RPTOR: variants seen among roughly 807,000 people sequenced by gnomAD.
RPTOR encodes the protein regulatory-associated protein of mTOR.
In RPTOR, 21 loss-of-function variants were observed where a neutral mutation model predicts 169.9. That is an observed-to-expected ratio of 0.12 (90% confidence interval 0.09 to 0.18). The LOEUF (loss-of-function observed/expected upper bound fraction) is 0.18. Among genes scored for constraint, RPTOR ranks in the 10% least tolerant of loss-of-function variants. The probability of loss-of-function intolerance (pLI) is 1.00; values close to 1 mark genes in which losing one functional copy is unlikely to be tolerated. For synonymous variants in RPTOR, 732 were observed against 753.2 expected, an observed-to-expected ratio of 0.97 and a Z score of 0.46; for missense variants, 1,133 against 1,855.9, an observed-to-expected ratio of 0.61 and a Z score of 7.16.
At chr17:80,784,061 T>G (rs1259393715) in intron 6 of RPTOR, among the ~76,000 whole-genome samples, 1 of 151,620 alleles carries the variant, frequency 6.6e-6, no homozygotes, top group African/African-American at 2.4e-5. Flanking sequence ...ACTGCAGCCT[T>G]AACCTCCTGA....
chr17:80,908,145 G>A (rs1471984927), intron 20 of RPTOR, among the ~76,000 whole-genome samples: 3 of 152,186 alleles, frequency 2.0e-5, no homozygotes, highest in Non-Finnish European at 4.4e-5. Flanking sequence ...CCATGCCCAC[G>A]ACTCACCAGT....
In RPTOR at chr17:80,562,291, T is replaced by C. The variant is rs1177967086; in HGVS notation, c.162+16500T>C. Among the ~76,000 whole-genome samples the C allele has an allele frequency of 6.6e-6, 1 of 152,212 alleles. No homozygotes were observed. Among genetic ancestry groups the C allele is most frequent in the East Asian group, 1.9e-4 (1 of 5,200 alleles). ...TGTTTGCTTGTGAAAACTTAAGGAATGTTTTGGTGGGATATGTTGAAATTG... is the reference window on the plus strand; with the variant it reads ...TGTTTGCTTGTGAAAACTTAAGGAACGTTTTGGTGGGATATGTTGAAATTG... On this transcript the variant is annotated intron_variant, in intron 1 of 33. Transcript: ENST00000306801. This position sits in a 1 kb window ranked among gnomAD's most constrained non-coding sequence, Gnocchi z 4.4.
chr17:80,822,313 G>T lies in RPTOR; in HGVS notation c.991+12G>T. 1 of 1,613,198 alleles carries T rather than the reference G, an allele frequency of 6.2e-7. No homozygotes were observed. Among genetic ancestry groups the T allele is most frequent in the Non-Finnish European group, 8.5e-7 (1 of 1,179,276 alleles). On this transcript the variant is annotated intron_variant, in intron 8 of 33. Coordinates refer to ENST00000306801, the MANE Select transcript of RPTOR (RefSeq NM_020761.3). ...CGTGCTCCCCCGGGGTGAGGCGCGG[G>T]CCGGGCCTTGGGGAGGGAGGCTATG...
At chr17:80,614,189 C>T (rs1199753216) in intron 1 of RPTOR, among the ~76,000 whole-genome samples, 2 of 152,190 alleles carry the variant, frequency 1.3e-5, no homozygotes, top group Non-Finnish European at 2.9e-5. Flanking sequence ...ACTCACCAAG[C>T]CACATGCTGC....
intron 13 of RPTOR, among the ~76,000 whole-genome samples, chr17:80,858,844 G>A (rs1007137758): frequency 4.6e-5 from 7 of 152,212 alleles, no homozygotes; most frequent in African/African-American, 1.7e-4. Context: ...GACGGTGCAC[G>A]GTTCCCGGTA....
chr17:80,656,898 G>C (rs1460274041), intron 3 of RPTOR, among the ~76,000 whole-genome samples: 1 of 152,198 alleles, frequency 6.6e-6, no homozygotes, highest in Non-Finnish European at 1.5e-5. Flanking sequence ...GGAGCCGCGG[G>C]GACACTGCCC....
intron 8 of RPTOR, 21 bp downstream of exon 8, chr17:80,822,322 TG>T (rs773794821): frequency 8.7e-6 from 14 of 1,610,328 alleles, no homozygotes; most frequent in East Asian, 4.5e-5. Flanking sequence ...GGCCGGGCCT[TG>T]GGGAGGGAGG....
At position 80,651,555 on chromosome 17, in the gene RPTOR, C is replaced by T. The variant is rs746397897; in HGVS notation, c.348+7745C>T. Among the ~76,000 whole-genome samples the T allele has an allele frequency of 3.3e-5, 5 of 152,218 alleles. No individual in the cohort carries two copies. Among genetic ancestry groups the T allele is most frequent in the African/African-American group, 9.6e-5 (4 of 41,516 alleles). On this transcript the variant is annotated intron_variant, in intron 3 of 33. Coordinates refer to ENST00000306801, the MANE Select transcript of RPTOR (RefSeq NM_020761.3). This position sits in a 1 kb window ranked among gnomAD's most constrained non-coding sequence, Gnocchi z 4.1. ...TGGAGATTTTTTTAAAATGGACATA[C>T]GAAGCACATAACGTCAAGTTCACCA... is the stretch of plus-strand genomic sequence containing the variant.
intron 1 of RPTOR, among the ~76,000 whole-genome samples, chr17:80,567,162 G>C (rs564379325): frequency 2.6e-5 from 4 of 151,866 alleles, no homozygotes; most frequent in African/African-American, 9.7e-5. Context: ...GTACAGACAG[G>C]GTTTCATCAC....
chr17:80,886,813 A>AG (rs1454380786), intron 17 of RPTOR, among the ~76,000 whole-genome samples: 29 of 152,120 alleles, frequency 1.9e-4, no homozygotes, highest in African/African-American at 7.0e-4. Flanking sequence ...ACCGGGACGC[A>AG]GCTGTCTCGG....
chr17:80,688,980 C>T (rs1438868035), intron 3 of RPTOR, among the ~76,000 whole-genome samples: 1 of 152,200 alleles, frequency 6.6e-6, no homozygotes, highest in Non-Finnish European at 1.5e-5. Context: ...TCCTGCAGAA[C>T]GGCAGCTGCC....
chr17:80,752,072 T>A (rs913684659), intron 5 of RPTOR, among the ~76,000 whole-genome samples: 1 of 152,244 alleles, frequency 6.6e-6, no homozygotes, highest in African/African-American at 2.4e-5. Context: ...TTCATTCCTT[T>A]AGCTATCTAC....
intron 2 of RPTOR, 71 bp from the exon 3 acceptor site, chr17:80,643,657 T>A: frequency 1.8e-6 from 2 of 1,136,730 alleles, no homozygotes; most frequent in East Asian, 2.4e-5. Flanking sequence ...AAGGAGAAAC[T>A]GTGGAAGAGA....
In RPTOR at chr17:80,665,357, C is replaced by T. The variant is rs1293097415; in HGVS notation, c.348+21547C>T. Among the ~76,000 whole-genome samples the T allele has an allele frequency of 4.2e-3, 22 of 5,296 alleles. No individual in the cohort carries two copies. In the African/African-American group the frequency reaches 0.045, roughly 11 times the overall value. 3.5% of individuals were successfully genotyped at this position (5,296 alleles called of 152,430 possible). On this transcript the variant is annotated intron_variant, in intron 3 of 33. Coordinates refer to ENST00000306801, the MANE Select transcript of RPTOR (RefSeq NM_020761.3). ...CCTTTCCTTTCCTTTCCTTTCCTTT[C>T]CTTTCCTTTCCTTTCCTTTCCTTTC...
intron 25 of RPTOR, among the ~76,000 whole-genome samples, chr17:80,942,406 C>T (rs1234477538): frequency 6.7e-6 from 1 of 150,060 alleles, no homozygotes; most frequent in Non-Finnish European, 1.5e-5. Flanking sequence ...ACCGAGATTT[C>T]TAGACCAAAA....
At chr17:80,628,756 A>G (rs2065415681) in intron 2 of RPTOR, among the ~76,000 whole-genome samples, 1 of 152,128 alleles carries the variant, frequency 6.6e-6, no homozygotes, top group South Asian at 2.1e-4. Context: ...AGCTGGGACT[A>G]TGGATGCCCA....
At chr17:80,761,129 A>AT in intron 6 of RPTOR, among the ~76,000 whole-genome samples, 1 of 152,260 alleles carries the variant, frequency 6.6e-6, no homozygotes, top group African/African-American at 2.4e-5. Flanking sequence ...TCCAAAATAT[A>AT]TTTTTTCCCT....
intron 3 of RPTOR, among the ~76,000 whole-genome samples, chr17:80,674,355 A>G (rs2065844936): frequency 1.3e-5 from 2 of 152,210 alleles, no homozygotes; most frequent in Non-Finnish European, 2.9e-5. Context: ...AGTAGGGAAG[A>G]AGACCCCACT....
intron 15 of RPTOR, 36 bp downstream of exon 15, chr17:80,883,520 C>T (rs1390648602): frequency 6.2e-7 from 1 of 1,603,352 alleles, no homozygotes. Flanking sequence ...CCAGAGCTCA[C>T]CCTTGGCATT....
Sources: gnomAD v4.1 joint callset for allele counts (sites outside exome capture counted in the v4.1 genomes callset) on GRCh38, gnomAD v4.1.1 for gene constraint, Gnocchi (gnomAD v3.1) non-coding constraint, MANE v1.5 for transcripts, NCBI Gene and HGNC (gene_info 2026-07-23, HGNC 2026-07-21) for gene names.